PRDM5: variants seen among roughly 807,000 people sequenced by gnomAD.
PRDM5 encodes the protein PR/SET domain 5, also known as PR domain zinc finger protein 5.
A neutral mutation model predicts 81.2 loss-of-function variants in PRDM5; 56 were observed. The observed-to-expected ratio is 0.69, with a 90% CI of 0.56 to 0.86. The LOEUF (loss-of-function observed/expected upper bound fraction) is 0.86, where lower values mean the gene tolerates loss of function less well. PRDM5 is among the 40% of genes least tolerant of loss of function. The pLI, the probability that PRDM5 is intolerant of heterozygous loss-of-function variation, is 0.00. For synonymous variants in PRDM5, 267 were observed against 256.4 expected (o/e 1.04, Z -0.39); for missense variants, 697 against 770.1 (o/e 0.91, Z 1.12).
At chr4:120,899,736 T>C (rs1328608030) in intron 2 of PRDM5, among the ~76,000 whole-genome samples, 1 of 152,158 alleles carries the variant, frequency 6.6e-6, no homozygotes. Flanking sequence ...ATATTATCTA[T>C]CTGGAGATAA....
chr4:120,916,689 G>A (rs989175313), intron 1 of PRDM5, among the ~76,000 whole-genome samples: 3 of 152,112 alleles, frequency 2.0e-5, no homozygotes, highest in African/African-American at 7.2e-5. Context: ...CTGAACCCGT[G>A]ATCTGCCCTC....
chr4:120,723,923 ATTTTTTTTTTTTTT>A (rs70948360), intron 14 of PRDM5, among the ~76,000 whole-genome samples: 1 of 81,278 alleles, frequency 1.2e-5, no homozygotes, highest in African/African-American at 5.2e-5. Flanking sequence ...GATAGCTTGA[ATTTTTTTTTTTTTT>A]TTTTTTTTTT....
At chr4:120,784,115 T>C (rs1236734565) in intron 11 of PRDM5, among the ~76,000 whole-genome samples, 3 of 152,112 alleles carry the variant, frequency 2.0e-5, no homozygotes, top group Non-Finnish European at 4.4e-5. Flanking sequence ...TATAGTACTG[T>C]AGTAAGTTTC....
chr4:120,811,839 G>A (rs954355874), intron 7 of PRDM5, among the ~76,000 whole-genome samples: 2 of 151,878 alleles, frequency 1.3e-5, no homozygotes, highest in Admixed American at 6.6e-5. Context: ...CAGGGTAATT[G>A]GGGTACCTAT....
At chr4:120,734,909 G>A (rs981396018) in intron 14 of PRDM5, among the ~76,000 whole-genome samples, 1 of 152,142 alleles carries the variant, frequency 6.6e-6, no homozygotes, top group African/African-American at 2.4e-5. Flanking sequence ...GCTTTATCTC[G>A]TTGTCTTCTC....
chr4:120,844,533 G>A (rs185860507), intron 3 of PRDM5, among the ~76,000 whole-genome samples: 127 of 152,218 alleles, frequency 8.3e-4, no homozygotes, highest in African/African-American at 2.9e-3. Context: ...TATTGTAATT[G>A]TTTAGGGGGC....
rs148882234 is a variant in PRDM5, at chr4:120,872,011, C to T, written c.178-18471G>A. On this transcript the variant is annotated intron_variant, in intron 2 of 15. Transcript: ENST00000264808. The stretch of plus-strand genomic sequence containing the variant: ...ACTAAAAATTCAAAAATTAGCCAGG[C>T]GTGGTGGCACACGCCTGTAATCCCA... 2.5e-3 allele frequency among the ~76,000 whole-genome samples: 373 copies of T among 151,732 alleles called. 1 individual carries two copies. The highest frequency in any genetic ancestry group is 8.7e-3 in the African/African-American group (362 of 41,374).
At chr4:120,795,962 T>G (rs993071939) in intron 10 of PRDM5, among the ~76,000 whole-genome samples, 1 of 151,952 alleles carries the variant, frequency 6.6e-6, no homozygotes, top group East Asian at 1.9e-4. Context: ...CAATGAAAAA[T>G]AATATTCTAT....
At chr4:120,792,575 C>T (rs1750731628) in intron 10 of PRDM5, among the ~76,000 whole-genome samples, 1 of 152,036 alleles carries the variant, frequency 6.6e-6, no homozygotes, top group South Asian at 2.1e-4. Flanking sequence ...GGTACATCTT[C>T]AAAGAAAGTG....
At chr4:120,767,858 C>T (rs549381286) in intron 13 of PRDM5, among the ~76,000 whole-genome samples, 5 of 152,070 alleles carry the variant, frequency 3.3e-5, no homozygotes, top group South Asian at 2.1e-4. Context: ...TGATAGTGAG[C>T]GAGTGTCACA....
At chr4:120,908,373 T>C (rs1163351996) in intron 1 of PRDM5, among the ~76,000 whole-genome samples, 2 of 152,222 alleles carry the variant, frequency 1.3e-5, no homozygotes, top group African/African-American at 2.4e-5. Flanking sequence ...CTTCTAAACC[T>C]GCCTATGACT....
chr4:120,798,378 C>A lies in PRDM5; in HGVS notation c.1077G>T (p.Arg359Ser), dbSNP rs746026899. 4.3e-6 allele frequency: 7 copies of A among 1,612,852 alleles called. No homozygotes were observed. Among genetic ancestry groups the A allele is most frequent in the Non-Finnish European group, 5.9e-6 (7 of 1,179,210 alleles). The change falls in exon 10 of 16, where the codon AGG becomes AGT. Residue 359 changes from arginine (R) to serine (S), a missense_variant. By Grantham distance (110) the Arg-to-Ser change is moderately radical. Around this residue, in one of 3 missense-constraint regions of PRDM5, gnomAD observed 577 missense variants for 606.7 expected, o/e 0.95. Transcript: ENST00000264808. ...CTTTGTGAGCACCCACTTGATCAAG[C>A]CTCTTGAAAGACTTATTACAAATCT... ...NCEICNKSFK[R>S]LDQVGAHKVI...
intron 10 of PRDM5, among the ~76,000 whole-genome samples, chr4:120,790,241 GCTAA>G (rs1260941039): frequency 6.6e-6 from 1 of 152,136 alleles, no homozygotes; most frequent in African/African-American, 2.4e-5. Flanking sequence ...ATTTATTACA[GCTAA>G]CTTAGAGCGT....
intron 2 of PRDM5, among the ~76,000 whole-genome samples, chr4:120,873,514 A>G (rs1762051560): frequency 6.6e-6 from 1 of 152,242 alleles, no homozygotes; most frequent in Non-Finnish European, 1.5e-5. Flanking sequence ...AAAGTTTACT[A>G]TCACACAATC....
chr4:120,730,340 A>G, intron 14 of PRDM5, among the ~76,000 whole-genome samples: 1 of 152,242 alleles, frequency 6.6e-6, no homozygotes. Flanking sequence ...TGCAATATGC[A>G]TATAAATATA....
rs148449361 is a variant in PRDM5, at chr4:120,922,552, G to A, written c.57C>T (p.Asp19=). The change falls in exon 1 of 16, where the codon GAC becomes GAT. Residue 19 remains aspartate, a synonymous_variant. Coordinates refer to ENST00000264808, the MANE Select transcript of PRDM5 (RefSeq NM_018699.4). The part of the protein sequence containing the change: ...RFSLKSSRVQ[D]GMGLYTARRV... ...TGCGGGCCGTGTAGAGCCCCATGCCGTCCTGAACCCGGGAGGACTTCAGGG... is the reference window on the plus strand; with the variant it reads ...TGCGGGCCGTGTAGAGCCCCATGCCATCCTGAACCCGGGAGGACTTCAGGG... The A allele has an allele frequency of 5.6e-6, 9 of 1,610,844 alleles. No individual in the cohort carries two copies. The highest frequency in any genetic ancestry group is 1.1e-5 in the South Asian group (1 of 90,846).
At chr4:120,720,924 C>A (rs1158960480) in intron 14 of PRDM5, among the ~76,000 whole-genome samples, 1 of 151,548 alleles carries the variant, frequency 6.6e-6, no homozygotes, top group Non-Finnish European at 1.5e-5. Context: ...ACATAGAACA[C>A]TAAAAACAAG....
At chr4:120,829,384 C>T (rs1206077020) in intron 3 of PRDM5, among the ~76,000 whole-genome samples, 4 of 152,066 alleles carry the variant, frequency 2.6e-5, no homozygotes, top group African/African-American at 7.2e-5. Flanking sequence ...GACCCTTCCA[C>T]ATCCGGCATT....
At chr4:120,768,372 G>A (rs78731701) in intron 13 of PRDM5, among the ~76,000 whole-genome samples, 4,789 of 152,104 alleles carry the variant, frequency 0.031, 251 homozygotes, top group African/African-American at 0.11. Context: ...CCTAGAAATG[G>A]CTGAATCCTT....
Sources: gnomAD v4.1 joint callset for allele counts (sites outside exome capture counted in the v4.1 genomes callset) on GRCh38, gnomAD v4.1.1 for gene constraint, gnomAD v4.1.1 regional missense constraint, MANE v1.5 for transcripts, NCBI Gene and HGNC (gene_info 2026-07-23, HGNC 2026-07-21) for gene names.